ANKS1B: variants seen among roughly 807,000 people sequenced by gnomAD.
ANKS1B encodes ankyrin repeat and sterile alpha motif domain containing 1B.
Under a neutral mutation model 148.3 loss-of-function variants are expected in ANKS1B, and 36 were observed. The observed-to-expected ratio is 0.24, with a 90% CI of 0.19 to 0.32. The LOEUF is 0.32. Among genes scored for constraint, ANKS1B ranks in the 10% least tolerant of loss-of-function variants. The probability of loss-of-function intolerance (pLI) is 1.00; values close to 1 mark genes in which losing one functional copy is unlikely to be tolerated. For missense variants in ANKS1B, 1,157 were observed against 1,542.6 expected (o/e 0.75, Z 4.19); for synonymous variants, 542 against 560.8 (o/e 0.97, Z 0.47).
chr12:99,332,689 CA>C (rs56373621), intron 12 of ANKS1B, among the ~76,000 whole-genome samples: 2 of 143,872 alleles, frequency 1.4e-5, no homozygotes, highest in African/African-American at 2.6e-5. Flanking sequence ...GCTGAGCTTT[CA>C]AAAAAAAAAA....
chr12:99,356,795 A>C (rs1038592488), intron 12 of ANKS1B, among the ~76,000 whole-genome samples: 4 of 152,132 alleles, frequency 2.6e-5, no homozygotes, highest in Admixed American at 2.6e-4. Context: ...CTCTTTAAAA[A>C]CCGAAGCCAG....
chr12:98,909,939 G>A (rs1297415512), intron 17 of ANKS1B, among the ~76,000 whole-genome samples: 3 of 152,190 alleles, frequency 2.0e-5, no homozygotes, highest in Admixed American at 6.5e-5. Context: ...CAGGGGGCCG[G>A]GAATCAGCTG....
At chr12:98,996,683 G>T (rs1568262205) in intron 17 of ANKS1B, among the ~76,000 whole-genome samples, 1 of 151,568 alleles carries the variant, frequency 6.6e-6, no homozygotes, top group Non-Finnish European at 1.5e-5. Flanking sequence ...CATGGTGGTG[G>T]GCGCCTGTAG....
At chr12:99,950,092 G>A (rs2095175580) in intron 1 of ANKS1B, among the ~76,000 whole-genome samples, 1 of 147,780 alleles carries the variant, frequency 6.8e-6, no homozygotes, top group Non-Finnish European at 1.5e-5. Context: ...GATTACAGGT[G>A]CACGCCATCA....
intron 17 of ANKS1B, among the ~76,000 whole-genome samples, chr12:98,865,886 G>A (rs1019203727): frequency 3.9e-5 from 6 of 152,160 alleles, no homozygotes; most frequent in African/African-American, 1.4e-4. Context: ...ATTTCTCACA[G>A]TTCTGGAGGC....
At chr12:98,773,228 T>C in intron 24 of ANKS1B, 49 bp from the exon 25 acceptor site, 1 of 1,548,356 alleles carries the variant, frequency 6.5e-7, no homozygotes, top group Non-Finnish European at 8.7e-7. Flanking sequence ...CGAACCAGCA[T>C]ATATGACAAC....
rs1194649010 is a variant in ANKS1B at position 99,707,448 on chromosome 12, T to C, written c.1129-52238A>G. Among the ~76,000 whole-genome samples the C allele has an allele frequency of 4.6e-5, 7 of 152,150 alleles. No individual in the cohort carries two copies. The East Asian group carries it at 1.4e-3, about 29-fold the overall frequency. ...TTCAGTATTTTAGAGGGAAAAGTCATAAGAGGTAACACATAATAGAAATCT... is the reference window on the plus strand; with the variant it reads ...TTCAGTATTTTAGAGGGAAAAGTCACAAGAGGTAACACATAATAGAAATCT... On this transcript the variant is annotated intron_variant, in intron 8 of 26. Transcript: ENST00000683438.
chr12:99,399,444 G>A (rs887048222), intron 12 of ANKS1B, among the ~76,000 whole-genome samples, 187 bp downstream of exon 12: 1 of 151,948 alleles, frequency 6.6e-6, no homozygotes, highest in Non-Finnish European at 1.5e-5. Flanking sequence ...ACACCAAAAG[G>A]CCATCCATGT....
At chr12:99,786,029 TTC>T (rs2064978396) in intron 4 of ANKS1B, among the ~76,000 whole-genome samples, 2 of 152,212 alleles carry the variant, frequency 1.3e-5, no homozygotes, top group South Asian at 4.1e-4. Context: ...ATTTTATTTT[TTC>T]CCTTCCTTAA....
chr12:99,302,867 C>CTGAAAGTA (rs1184735822), intron 12 of ANKS1B, among the ~76,000 whole-genome samples: 6 of 152,170 alleles, frequency 3.9e-5, no homozygotes, highest in Admixed American at 3.9e-4. Context: ...CCAAAGCATA[C>CTGAAAGTA]TGAAAGTAGA....
chr12:99,299,323 G>T (rs1293893996), intron 12 of ANKS1B, among the ~76,000 whole-genome samples: 1 of 152,132 alleles, frequency 6.6e-6, no homozygotes, highest in African/African-American at 2.4e-5. Context: ...AGCCTCCAAA[G>T]CACTGGAATT....
chr12:99,592,562 T>C (rs1402162360), intron 9 of ANKS1B, among the ~76,000 whole-genome samples: 2 of 150,892 alleles, frequency 1.3e-5, no homozygotes, highest in East Asian at 3.9e-4. Flanking sequence ...AATACAGATA[T>C]CAAAGGGTTC....
intron 12 of ANKS1B, among the ~76,000 whole-genome samples, chr12:99,387,264 C>A (rs983247255): frequency 6.6e-6 from 1 of 152,128 alleles, no homozygotes; most frequent in Non-Finnish European, 1.5e-5. Flanking sequence ...AGGAGTGGGG[C>A]ACTTGGGAGG....
intron 2 of ANKS1B, among the ~76,000 whole-genome samples, chr12:99,816,870 A>G (rs1201670313): frequency 6.6e-6 from 1 of 151,706 alleles, no homozygotes; most frequent in Non-Finnish European, 1.5e-5. Context: ...AGCAGTTAAT[A>G]TAGTGTAGTA....
At chr12:98,869,054 A>G (rs1037839459) in intron 17 of ANKS1B, among the ~76,000 whole-genome samples, 1 of 152,190 alleles carries the variant, frequency 6.6e-6, no homozygotes, top group South Asian at 2.1e-4. Context: ...TGGATGCCAG[A>G]GCCTGAAAAC....
intron 17 of ANKS1B, among the ~76,000 whole-genome samples, chr12:98,948,523 A>T (rs779504485): frequency 6.6e-6 from 1 of 152,132 alleles, no homozygotes; most frequent in South Asian, 2.1e-4. Context: ...GCAAGTATGG[A>T]TATATATTCA....
chr12:99,348,501 C>T (rs1025074318), intron 12 of ANKS1B, among the ~76,000 whole-genome samples: 4 of 151,764 alleles, frequency 2.6e-5, no homozygotes, highest in African/African-American at 7.3e-5. Context: ...TCTAAACTGA[C>T]ATATTATAAT....
chr12:99,862,503 A>G (rs1396210122), intron 1 of ANKS1B, among the ~76,000 whole-genome samples: 2 of 152,220 alleles, frequency 1.3e-5, no homozygotes, highest in Non-Finnish European at 2.9e-5. Context: ...CTCTAACAGT[A>G]TGCTATTATT....
At chr12:99,190,053 A>G (rs1231094172) in intron 14 of ANKS1B, among the ~76,000 whole-genome samples, 2 of 152,172 alleles carry the variant, frequency 1.3e-5, no homozygotes, top group Non-Finnish European at 2.9e-5. Flanking sequence ...ATAATAGACA[A>G]ACAGAGAGGC....
Sources: allele counts gnomAD v4.1 joint callset (sites outside exome capture counted in the v4.1 genomes callset), GRCh38; gene constraint gnomAD v4.1.1; transcripts MANE v1.5; gene names NCBI Gene and HGNC (gene_info 2026-07-23, HGNC 2026-07-21).